The following RBFOX1 variants were observed in gnomAD, a reference collection of about 807,000 sequenced individuals.
The protein encoded by RBFOX1 is RNA binding fox-1 homolog 1.
In RBFOX1, 8 loss-of-function variants were observed where a neutral mutation model predicts 57.7. The ratio of observed to expected loss-of-function variants is 0.14; its 90% CI spans 0.08 to 0.25. RBFOX1 has a LOEUF of 0.25. Among genes scored for constraint, RBFOX1 ranks in the 10% least tolerant of loss-of-function variants. The probability of loss-of-function intolerance (pLI) is 1.00; values close to 1 mark genes in which losing one functional copy is unlikely to be tolerated. For synonymous variants in RBFOX1, 326 were observed against 222.4 expected, an observed-to-expected ratio of 1.47 and a Z score of -4.15; for missense variants, 611 against 548.5, an observed-to-expected ratio of 1.11 and a Z score of -1.14.
Position 5,822,719 on chromosome 16 carries a change from A to C in RBFOX1, c.319-44584A>C, listed in dbSNP as rs181272581. 2.2e-4 allele frequency among the ~76,000 whole-genome samples: 34 copies of C among 152,210 alleles called. No homozygotes were observed. In the East Asian group the frequency reaches 5.4e-3, roughly 24 times the overall value. On this transcript the variant is annotated intron_variant, in intron 3 of 19. Transcript: ENST00000641259. ...TGGGTTTCCAACCCATGGCCTGGAG[A>C]GTCCATCCTGGGCTCCTGGAGTGTG... is the stretch of plus-strand genomic sequence containing the variant.
At chr16:7,218,114 C>T (rs1186246657) in intron 4 of RBFOX1, among the ~76,000 whole-genome samples, 1 of 151,486 alleles carries the variant, frequency 6.6e-6, no homozygotes, top group Non-Finnish European at 1.5e-5. Flanking sequence ...AGTAGAGCTC[C>T]CTCTGCAGAA....
intron 4 of RBFOX1, among the ~76,000 whole-genome samples, chr16:7,171,215 G>A (rs985296414): frequency 1.3e-5 from 2 of 152,124 alleles, no homozygotes; most frequent in Non-Finnish European, 2.9e-5. Flanking sequence ...TAACTCCCAG[G>A]TCTAACCCTC....
intron 4 of RBFOX1, among the ~76,000 whole-genome samples, chr16:7,147,984 G>T (rs939799001): frequency 2.0e-5 from 3 of 152,148 alleles, no homozygotes; most frequent in African/African-American, 7.2e-5. Flanking sequence ...GAACCTTGCA[G>T]TCACACAAGA....
chr16:7,695,092 A>C (rs1343737283), intron 14 of RBFOX1, among the ~76,000 whole-genome samples: 2 of 152,240 alleles, frequency 1.3e-5, no homozygotes, highest in African/African-American at 4.8e-5. Context: ...TACCTAATCT[A>C]GATGGCTGCT....
At chr16:6,859,164 CGT>C (rs2058522619) in intron 3 of RBFOX1, among the ~76,000 whole-genome samples, 8 of 81,148 alleles carry the variant, frequency 9.9e-5, no homozygotes, top group East Asian at 3.7e-4. Context: ...TATATATATA[CGT>C]ATATATATGT....
At chr16:5,547,409 G>C (rs1039975107) in intron 2 of RBFOX1, among the ~76,000 whole-genome samples, 7 of 152,190 alleles carry the variant, frequency 4.6e-5, no homozygotes, top group Non-Finnish European at 8.8e-5. Flanking sequence ...GCATATAATG[G>C]AATAGTATGC....
At chr16:7,094,495 T>C (rs962490575) in intron 4 of RBFOX1, among the ~76,000 whole-genome samples, 1 of 152,168 alleles carries the variant, frequency 6.6e-6, no homozygotes. Context: ...CTGGATAGAA[T>C]ACATCATTGC....
chr16:7,468,445 C>T (rs933866488), intron 4 of RBFOX1, among the ~76,000 whole-genome samples: 5 of 148,960 alleles, frequency 3.4e-5, no homozygotes, highest in African/African-American at 1.2e-4. Flanking sequence ...ATTTTTGAGT[C>T]ACTCGGAGGG....
intron 1 of RBFOX1, among the ~76,000 whole-genome samples, chr16:5,354,886 A>G (rs547328667): frequency 7.9e-5 from 12 of 152,296 alleles, no homozygotes; most frequent in African/African-American, 2.9e-4. Flanking sequence ...GCTTGGTTCC[A>G]GTGGCCTTCT....
chr16:5,397,243 T>C (rs2066584454), intron 1 of RBFOX1, among the ~76,000 whole-genome samples: 1 of 152,210 alleles, frequency 6.6e-6, no homozygotes, highest in Non-Finnish European at 1.5e-5. Context: ...AAAGGGATTT[T>C]CCCCCTCTGG....
chr16:7,580,931 A>G (rs1317449922), intron 6 of RBFOX1, among the ~76,000 whole-genome samples: 1 of 152,230 alleles, frequency 6.6e-6, no homozygotes, highest in Non-Finnish European at 1.5e-5. Context: ...CTAAGAGTTA[A>G]TAAATGGATG....
At chr16:7,666,800 A>C (rs1487466342) in intron 13 of RBFOX1, among the ~76,000 whole-genome samples, 4 of 152,200 alleles carry the variant, frequency 2.6e-5, no homozygotes, top group African/African-American at 7.2e-5. Context: ...AGAAAGCCAC[A>C]GAAGTGTCCC....
chr16:6,818,730 A>G (rs1228330063), intron 3 of RBFOX1, among the ~76,000 whole-genome samples: 1 of 152,058 alleles, frequency 6.6e-6, no homozygotes, highest in African/African-American at 2.4e-5. Flanking sequence ...CTGTGTCATC[A>G]GATAGAAAAA....
At chr16:7,511,437 A>G (rs2152057000) in intron 4 of RBFOX1, among the ~76,000 whole-genome samples, 1 of 152,264 alleles carries the variant, frequency 6.6e-6, no homozygotes. Context: ...CAGAGAGAAA[A>G]TTCAGGGTTC....
At chr16:6,256,493 C>G (rs2097668215) in intron 1 of RBFOX1, among the ~76,000 whole-genome samples, 1 of 151,098 alleles carries the variant, frequency 6.6e-6, no homozygotes, top group Non-Finnish European at 1.5e-5. Context: ...GTTGATGAGA[C>G]CAGATTGTAT....
chr16:7,118,162 C>A (rs1231510330), intron 4 of RBFOX1, among the ~76,000 whole-genome samples: 1 of 152,110 alleles, frequency 6.6e-6, no homozygotes, highest in Non-Finnish European at 1.5e-5. Context: ...CATACTGTTG[C>A]ATACTGTTTG....
intron 3 of RBFOX1, among the ~76,000 whole-genome samples, chr16:6,724,515 T>C (rs2066727905): frequency 6.6e-6 from 1 of 152,114 alleles, no homozygotes; most frequent in Non-Finnish European, 1.5e-5. Context: ...GCTGCCATCT[T>C]CTGTGGACGA....
chr16:5,829,317 C>G (rs117548549), intron 3 of RBFOX1, among the ~76,000 whole-genome samples: 1,842 of 152,258 alleles, frequency 0.012, 20 homozygotes, highest in Non-Finnish European at 0.019. Flanking sequence ...GCAGGGGAGT[C>G]ACATGATGAG....
At chr16:5,354,309 C>G (rs1035679322) in intron 1 of RBFOX1, among the ~76,000 whole-genome samples, 2 of 152,052 alleles carry the variant, frequency 1.3e-5, no homozygotes, top group African/African-American at 2.4e-5. Flanking sequence ...TTTCTCTATT[C>G]ACTGTCTTTC....
Sources: allele counts gnomAD v4.1 joint callset (sites outside exome capture counted in the v4.1 genomes callset), GRCh38; gene constraint gnomAD v4.1.1; transcripts MANE v1.5; gene names NCBI Gene and HGNC (gene_info 2026-07-23, HGNC 2026-07-21).